The following PTPRZ1 variants were observed in gnomAD, a reference collection of about 807,000 sequenced individuals.
PTPRZ1 encodes the protein receptor-type tyrosine-protein phosphatase zeta.
Under a neutral mutation model 214.1 loss-of-function variants are expected in PTPRZ1, and 82 were observed. That is an observed-to-expected ratio of 0.38 (90% CI 0.32 to 0.46). The LOEUF (loss-of-function observed/expected upper bound fraction) is 0.46. Ranked by LOEUF, PTPRZ1 falls within the 20% of genes least tolerant of loss-of-function variation. PTPRZ1 has a pLI of 1.00. For missense variants in PTPRZ1, 2,603 were observed against 2,748.7 expected (o/e 0.95, Z 1.19); for synonymous variants, 945 against 987.9 (o/e 0.96, Z 0.81).
chr7:122,036,718 A>G (rs1376942848), intron 18 of PTPRZ1, 36 bp downstream of exon 18: 1 of 1,399,134 alleles, frequency 7.1e-7, no homozygotes, highest in South Asian at 1.2e-5. Flanking sequence ...TATAGAAATC[A>G]TATTAGACTG....
rs1470514675 is a variant in PTPRZ1 at position 121,886,452 on chromosome 7, C to CT, written c.58+12896dup. On this transcript the variant is annotated intron_variant, in intron 1 of 29. Transcript: ENST00000393386. ...AAAAACACAGCTGAAACATTCCACT[C>CT]TATTAAATGTAACACACACACACAC... Among the ~76,000 whole-genome samples the CT allele has an allele frequency of 6.3e-5, 9 of 142,044 alleles. No individual in the cohort carries two copies. In the Admixed American group the frequency reaches 6.6e-4, roughly 10 times the overall value. 93.2% of individuals were successfully genotyped at this position (142,044 alleles called of 152,430 possible). A position where few individuals can be genotyped will look rare whatever the true frequency, so the allele number is the denominator to read the frequency against.
At chr7:122,057,583 T>C (rs1443837150) in intron 27 of PTPRZ1, among the ~76,000 whole-genome samples, 2 of 151,590 alleles carry the variant, frequency 1.3e-5, no homozygotes, top group African/African-American at 4.8e-5. Flanking sequence ...CTTTGTCAGC[T>C]GCATATATTG....
At chr7:121,914,066 C>T (rs1795350722) in intron 1 of PTPRZ1, among the ~76,000 whole-genome samples, 1 of 152,160 alleles carries the variant, frequency 6.6e-6, no homozygotes, top group African/African-American at 2.4e-5. Flanking sequence ...CTGATCCCAG[C>T]ACTTTTGGAG....
chr7:121,891,236 C>A (rs557084698), intron 1 of PTPRZ1, among the ~76,000 whole-genome samples: 3 of 152,222 alleles, frequency 2.0e-5, no homozygotes, highest in East Asian at 3.9e-4. Context: ...GCAACCACCT[C>A]TCTTCTCAAA....
chr7:121,987,003 T>C (rs765605344), intron 8 of PTPRZ1, among the ~76,000 whole-genome samples: 7 of 152,200 alleles, frequency 4.6e-5, no homozygotes, highest in Non-Finnish European at 1.0e-4. Flanking sequence ...CTCATCAAAA[T>C]ATCTGCCTAC....
intron 2 of PTPRZ1, among the ~76,000 whole-genome samples, chr7:121,937,465 C>G (rs1421581921): frequency 6.6e-6 from 1 of 152,136 alleles, no homozygotes; most frequent in Admixed American, 6.5e-5. Flanking sequence ...CCAGAGTGTT[C>G]CTCTTTCTCA....
rs2116653371 is a variant in PTPRZ1, at chr7:122,010,537, T to C, written c.1491T>C (p.Asn497=). The part of the protein sequence containing the change: ...SEFSGKGDVP[N]TSLNSTSQPV... ...TCTCTGGAAAGGGTGATGTTCCCAATACATCTTTAAATTCCACTTCCCAAC... is the reference window on the plus strand; with the variant it reads ...TCTCTGGAAAGGGTGATGTTCCCAACACATCTTTAAATTCCACTTCCCAAC... Residue 497 remains asparagine, a synonymous_variant, in exon 12 of 30, where the codon AAT becomes AAC. Transcript: ENST00000393386. The C allele has an allele frequency of 1.2e-6, 2 of 1,613,594 alleles. No homozygotes were observed. Among genetic ancestry groups the C allele is most frequent in the Non-Finnish European group, 1.7e-6 (2 of 1,179,588 alleles).
At chr7:121,904,579 C>T (rs1240491965) in intron 1 of PTPRZ1, among the ~76,000 whole-genome samples, 1 of 152,136 alleles carries the variant, frequency 6.6e-6, no homozygotes, top group Non-Finnish European at 1.5e-5. Flanking sequence ...GTAATCTCAA[C>T]ATTTTTTGCC....
intron 1 of PTPRZ1, among the ~76,000 whole-genome samples, chr7:121,875,719 C>A (rs1794037423): frequency 6.6e-6 from 1 of 152,202 alleles, no homozygotes; most frequent in African/African-American, 2.4e-5. Flanking sequence ...AACAGGCTGA[C>A]CTGGAGGCAT....
chr7:121,976,955 A>G (rs1458731008), intron 6 of PTPRZ1, 104 bp downstream of exon 6: 2 of 842,948 alleles, frequency 2.4e-6, no homozygotes, highest in East Asian at 2.8e-5. Flanking sequence ...GGAAAGTACT[A>G]CATTTTTAAA....
chr7:122,037,200 G>A (rs183762514), intron 18 of PTPRZ1, among the ~76,000 whole-genome samples: 18 of 151,750 alleles, frequency 1.2e-4, no homozygotes, highest in African/African-American at 3.9e-4. Flanking sequence ...GCGTGAACCC[G>A]GGAGGCAGAG....
At position 121,984,017 on chromosome 7, in the gene PTPRZ1, G is replaced by A. The variant is rs1465851099; in HGVS notation, c.828G>A (p.Met276Ile). The A allele has an allele frequency of 3.7e-6, 6 of 1,613,530 alleles. No homozygotes were observed. In the East Asian group the frequency reaches 8.9e-5, roughly 24 times the overall value. The change falls in exon 8 of 30, where the codon ATG (methionine) becomes ATA (isoleucine). Residue 276 changes from methionine (M) to isoleucine (I), a missense_variant. By Grantham distance (10) the Met-to-Ile change is conservative (BLOSUM62 1). Coordinates refer to ENST00000393386, the MANE Select transcript of PTPRZ1 (RefSeq NM_002851.3). ...VLTMQQSGYV[M>I]LMDYLQNNFR... ...CAATGCAACAATCTGGTTATGTCAT[G>A]CTGATGGACTACTTACAAAACAATT...
In PTPRZ1 at chr7:122,013,608, A is replaced by G; in HGVS notation, c.4562A>G (p.Glu1521Gly). Residue 1521 changes from glutamate (E) to glycine (G), a missense_variant, in exon 12 of 30, where the codon GAA (glutamate) becomes GGA (glycine). Physicochemically the swap from Glu to Gly is moderately conservative, Grantham distance 98. Coordinates refer to ENST00000393386, the MANE Select transcript of PTPRZ1 (RefSeq NM_002851.3). ...CAAAAGCACAATGATGGAAAAGAGG[A>G]AAATGACATTCAGACTGGTAGTGCT... ...LSQKHNDGKEENDIQTGSALL... is the reference protein window; with the variant it reads ...LSQKHNDGKEGNDIQTGSALL... The G allele has an allele frequency of 5.0e-6, 8 of 1,614,226 alleles. No individual in the cohort carries two copies. The highest frequency in any genetic ancestry group is 6.8e-6 in the Non-Finnish European group (8 of 1,180,024).
chr7:121,951,951 A>ATTTTTTTTTTTTTTTTTTTT, intron 2 of PTPRZ1, among the ~76,000 whole-genome samples: 1 of 50,504 alleles, frequency 2.0e-5, no homozygotes, highest in Non-Finnish European at 5.1e-5. Context: ...ATGCGAGTGT[A>ATTTTTTTTTTTTTTTTTTTT]TTTATTTATT....
At chr7:121,938,285 C>A (rs561663840) in intron 2 of PTPRZ1, among the ~76,000 whole-genome samples, 9 of 152,092 alleles carry the variant, frequency 5.9e-5, no homozygotes, top group African/African-American at 2.2e-4. Context: ...AGAAATCTCA[C>A]CCCCCCATAT....
In PTPRZ1 at chr7:121,984,330, C is replaced by A. The variant is rs867308985; in HGVS notation, c.928+213C>A. Among the ~76,000 whole-genome samples, 4 of 152,202 alleles carry A rather than the reference C, an allele frequency of 2.6e-5. No homozygotes were observed. The South Asian group carries it at 8.3e-4, about 32-fold the overall frequency. Reference sequence around the variant, plus strand: ...AAATCTATTCTTCCCATAAGAATAACCCCATTTTACAGATGAGAAAAACTG... The same window carrying A: ...AAATCTATTCTTCCCATAAGAATAAACCCATTTTACAGATGAGAAAAACTG... On this transcript the variant is annotated intron_variant, in intron 8 of 29. Transcript: ENST00000393386.
chr7:122,046,825 AG>A (rs1332993576), intron 23 of PTPRZ1, among the ~76,000 whole-genome samples: 2 of 152,164 alleles, frequency 1.3e-5, no homozygotes, highest in African/African-American at 4.8e-5. Context: ...AGCATAAGAG[AG>A]GTCTGGCCTG....
chr7:121,946,697 A>G (rs1207093727), intron 2 of PTPRZ1, among the ~76,000 whole-genome samples: 1 of 152,232 alleles, frequency 6.6e-6, no homozygotes, highest in Non-Finnish European at 1.5e-5. Flanking sequence ...AGAGAATAAT[A>G]TTGCAGTGGA....
chr7:122,031,654 A>G (rs1367072948), intron 15 of PTPRZ1, 95 bp downstream of exon 15: 2 of 773,686 alleles, frequency 2.6e-6, no homozygotes, highest in Non-Finnish European at 4.1e-6. Flanking sequence ...AGACAGTGCA[A>G]CCATTTGCAC....
Sources: gnomAD v4.1 joint callset for allele counts (sites outside exome capture counted in the v4.1 genomes callset) on GRCh38, gnomAD v4.1.1 for gene constraint, MANE v1.5 for transcripts, NCBI Gene and HGNC (gene_info 2026-07-23, HGNC 2026-07-21) for gene names.